Variants in TNFAIP8L3 observed in about 807,000 individuals in gnomAD.
TNFAIP8L3 encodes tumor necrosis factor alpha-induced protein 8-like protein 3.
Under a neutral mutation model 11.8 loss-of-function variants are expected in TNFAIP8L3, and 7 were observed. The ratio of observed to expected loss-of-function variants is 0.59; its 90% CI spans 0.34 to 1.11. TNFAIP8L3 has a LOEUF of 1.11. Among genes scored for constraint, TNFAIP8L3 ranks in the 50% most tolerant of loss-of-function variants. TNFAIP8L3 has a pLI of 0.03. For synonymous variants in TNFAIP8L3, 98 were observed against 103.8 expected (o/e 0.94, Z 0.34); for missense variants, 219 against 258.6 (o/e 0.85, Z 1.05).
chr15:51,071,953 G>A (rs2065311646), intron 1 of TNFAIP8L3, among the ~76,000 whole-genome samples: 1 of 152,058 alleles, frequency 6.6e-6, no homozygotes, highest in Non-Finnish European at 1.5e-5. Flanking sequence ...TGGGCATTAA[G>A]GTTTTTCTCT....
At chr15:51,093,458 C>T (rs2065487230) in intron 1 of TNFAIP8L3, among the ~76,000 whole-genome samples, 1 of 152,252 alleles carries the variant, frequency 6.6e-6, no homozygotes, top group South Asian at 2.1e-4. Flanking sequence ...ATACGCAGGG[C>T]ACTGTCCTGC....
At chr15:51,081,880 C>T (rs1033799602) in intron 1 of TNFAIP8L3, among the ~76,000 whole-genome samples, 3 of 152,116 alleles carry the variant, frequency 2.0e-5, no homozygotes, top group Admixed American at 1.3e-4. Flanking sequence ...CAACAATTTG[C>T]TCCTGTCTCA....
At chr15:51,078,861 C>A (rs2065373103) in intron 1 of TNFAIP8L3, among the ~76,000 whole-genome samples, 1 of 152,100 alleles carries the variant, frequency 6.6e-6, no homozygotes, top group African/African-American at 2.4e-5. Context: ...AATGCACCTG[C>A]CTTCCTCTGC....
rs1466974836 is a variant in TNFAIP8L3 at position 51,058,504 on chromosome 15, C to G, written c.53-61G>C. ...ATATAAGAACTGTCTGTTACTTTTC[C>G]ACAAGTAAAACACACTAACTTGAAC... is the stretch of plus-strand genomic sequence containing the variant. On this transcript the variant is annotated intron_variant, in intron 1 of 1. Coordinates refer to ENST00000637513, the MANE Select transcript of TNFAIP8L3 (RefSeq NM_001311175.2). 5 of 1,351,806 alleles carry G rather than the reference C, an allele frequency of 3.7e-6. No homozygotes were observed. The East Asian group carries it at 7.6e-5, about 21-fold the overall frequency. 83.7% of individuals were successfully genotyped at this position (1,351,806 alleles called of 1,614,324 possible).
At chr15:51,095,474 G>A (rs2065507854), upstream of TNFAIP8L3, among the ~76,000 whole-genome samples, 1 of 152,084 alleles carries the variant, frequency 6.6e-6, no homozygotes, top group Non-Finnish European at 1.5e-5. Context: ...GCGGGTTCCG[G>A]GGGCTCGGTG....
chr15:51,060,532 C>T (rs2065235941), intron 1 of TNFAIP8L3, among the ~76,000 whole-genome samples: 1 of 152,200 alleles, frequency 6.6e-6, no homozygotes, highest in African/African-American at 2.4e-5. Flanking sequence ...TGCATTTACA[C>T]AGAAGCAGCA....
Position 51,058,246 on chromosome 15 carries a change from C to A in TNFAIP8L3, c.250G>T (p.Val84Leu). Residue 84 changes from valine (V) to leucine (L), a missense_variant, in exon 2 of 2, where the codon GTG becomes TTG. Coordinates refer to ENST00000637513, the MANE Select transcript of TNFAIP8L3 (RefSeq NM_001311175.2). ...TAGAGGATCCCGATTTTGATCGCCA[C>A]CTTGATTAAGTCTTTCATGATCTTG... ...AHKIMKDLIK[V>L]AIKIGILYRN... 1.2e-6 allele frequency: 2 copies of A among 1,614,188 alleles called. No individual in the cohort carries two copies. Among genetic ancestry groups the A allele is most frequent in the Non-Finnish European group, 1.7e-6 (2 of 1,180,032 alleles).
At chr15:51,097,889 G>A (rs2065525302), upstream of TNFAIP8L3, among the ~76,000 whole-genome samples, 1 of 152,152 alleles carries the variant, frequency 6.6e-6, no homozygotes, top group South Asian at 2.1e-4. Context: ...GAGAAAAAGG[G>A]AAAGGGTTTC....
intron 1 of TNFAIP8L3, among the ~76,000 whole-genome samples, chr15:51,104,163 C>T (rs980465207): frequency 1.3e-5 from 2 of 152,180 alleles, no homozygotes; most frequent in Non-Finnish European, 2.9e-5. Flanking sequence ...TGCTGCCATC[C>T]AAAGTCCTAT....
At chr15:51,082,044 AT>A (rs370927669) in intron 1 of TNFAIP8L3, among the ~76,000 whole-genome samples, 3,824 of 143,498 alleles carry the variant, frequency 0.027, 123 homozygotes, top group African/African-American at 0.073. Flanking sequence ...GAAAGAGTGA[AT>A]TTTTTTTTTT....
At chr15:51,091,589 G>C (rs1321206910) in intron 1 of TNFAIP8L3, among the ~76,000 whole-genome samples, 3 of 151,934 alleles carry the variant, frequency 2.0e-5, no homozygotes, top group African/African-American at 4.8e-5. Flanking sequence ...GCTGGTGAAA[G>C]CAGCAGGTTG....
intron 1 of TNFAIP8L3, among the ~76,000 whole-genome samples, chr15:51,081,820 T>C (rs1179460754): frequency 1.3e-5 from 2 of 152,208 alleles, no homozygotes; most frequent in Non-Finnish European, 2.9e-5. Flanking sequence ...CCACGCTTGC[T>C]GGTCTTAGGA....
At chr15:51,099,450 AG>A (rs1278526310), upstream of TNFAIP8L3, among the ~76,000 whole-genome samples, 3 of 152,126 alleles carry the variant, frequency 2.0e-5, no homozygotes, top group Admixed American at 2.0e-4. Context: ...AGAAGGAGAA[AG>A]GGAGAAGAGA....
intron 1 of TNFAIP8L3, among the ~76,000 whole-genome samples, chr15:51,076,560 TCACCAGG>T (rs2065351491): frequency 6.6e-6 from 1 of 152,226 alleles, no homozygotes; most frequent in African/African-American, 2.4e-5. Flanking sequence ...TCCAACCAAA[TCACCAGG>T]TGTGGTCACT....
upstream of TNFAIP8L3, among the ~76,000 whole-genome samples, chr15:51,096,679 G>A (rs1300184835): frequency 6.6e-6 from 1 of 152,092 alleles, no homozygotes; most frequent in Non-Finnish European, 1.5e-5. Context: ...ATCACCTGAG[G>A]TCGGGAGTTT....
chr15:51,089,618 C>A (rs558793264), intron 1 of TNFAIP8L3, among the ~76,000 whole-genome samples: 1 of 152,310 alleles, frequency 6.6e-6, no homozygotes, highest in South Asian at 2.1e-4. Flanking sequence ...TCTTAAAACA[C>A]TAAAACAAAA....
chr15:51,102,887 G>C (rs567651061), intron 1 of TNFAIP8L3, among the ~76,000 whole-genome samples: 1 of 152,164 alleles, frequency 6.6e-6, no homozygotes, highest in East Asian at 1.9e-4. Context: ...CTGTACACCA[G>C]TGTTCTACTA....
chr15:51,070,910 G>A (rs2065303840), intron 1 of TNFAIP8L3, among the ~76,000 whole-genome samples: 1 of 149,698 alleles, frequency 6.7e-6, no homozygotes, highest in African/African-American at 2.4e-5. Context: ...AATTAGCCGG[G>A]CGTAGTGGCG....
intron 1 of TNFAIP8L3, among the ~76,000 whole-genome samples, chr15:51,068,965 T>TA (rs1276258781): frequency 6.6e-6 from 1 of 152,078 alleles, no homozygotes; most frequent in African/African-American, 2.4e-5. Flanking sequence ...GCACCTGGCC[T>TA]ACCCCTCCTC....
Sources: gnomAD v4.1 joint callset for allele counts (sites outside exome capture counted in the v4.1 genomes callset) on GRCh38, gnomAD v4.1.1 for gene constraint, MANE v1.5 for transcripts, NCBI Gene and HGNC (gene_info 2026-07-23, HGNC 2026-07-21) for gene names.